Variants in OSBPL10 observed in about 807,000 individuals in gnomAD.
The protein encoded by OSBPL10 is oxysterol-binding protein-related protein 10.
A neutral mutation model predicts 81.7 loss-of-function variants in OSBPL10; 49 were observed. That is an observed-to-expected ratio of 0.60 (90% CI 0.48 to 0.76). The LOEUF (loss-of-function observed/expected upper bound fraction) is 0.76. OSBPL10 is among the 30% of genes least tolerant of loss of function. The pLI, the probability that OSBPL10 is intolerant of heterozygous loss-of-function variation, is 0.00. For missense variants in OSBPL10, 923 were observed against 987.8 expected (o/e 0.93, Z 0.88); for synonymous variants, 419 against 383.6 (o/e 1.09, Z -1.08).
chr3:31,772,210 C>T (rs997508276), intron 4 of OSBPL10, among the ~76,000 whole-genome samples: 1 of 152,164 alleles, frequency 6.6e-6, no homozygotes, highest in Non-Finnish European at 1.5e-5. Flanking sequence ...ACCAAAATGC[C>T]ATTAGCTTTA....
intron 2 of OSBPL10, among the ~76,000 whole-genome samples, chr3:32,018,404 G>A (rs1160144677): frequency 6.6e-6 from 1 of 152,102 alleles, no homozygotes; most frequent in East Asian, 1.9e-4. Flanking sequence ...ATGGTTGAAT[G>A]GAGATAATTC....
intron 1 of OSBPL10, among the ~76,000 whole-genome samples, chr3:31,918,573 A>C (rs1284215024): frequency 6.6e-6 from 1 of 152,170 alleles, no homozygotes; most frequent in Non-Finnish European, 1.5e-5. Context: ...CACTGGGACC[A>C]CTGCTGACCA....
At chr3:31,980,820 GACACACATACACACACGCACGCACACAC>G (rs1308145227) in intron 1 of OSBPL10, 51 bp downstream of exon 1, 2 of 1,420,976 alleles carry the variant, frequency 1.4e-6, no homozygotes, top group Admixed American at 5.8e-5. Flanking sequence ...CACATACACA[GACACACATACACACACGCACGCACACAC>G]ACACACACAC....
intron 1 of OSBPL10, among the ~76,000 whole-genome samples, chr3:31,933,057 A>G (rs1287126709): frequency 6.6e-6 from 1 of 152,212 alleles, no homozygotes; most frequent in Admixed American, 6.5e-5. Flanking sequence ...TAGAATAAGG[A>G]TTCAATTCCA....
At chr3:31,774,162 CAA>C (rs550791243) in intron 4 of OSBPL10, among the ~76,000 whole-genome samples, 34 of 81,398 alleles carry the variant, frequency 4.2e-4, no homozygotes, top group Admixed American at 5.7e-4. Flanking sequence ...AACTCCATCT[CAA>C]AAAAAAAAAA....
chr3:31,684,254 C>A (rs12488137), intron 7 of OSBPL10, 140 bp from the exon 8 acceptor site: 247,586 of 1,111,486 alleles, frequency 0.22, 29,198 homozygotes, highest in African/African-American at 0.36. Flanking sequence ...CTTGTGCACA[C>A]ATGACAAACC....
At chr3:32,048,260 C>T (rs1699640694) in intron 1 of OSBPL10, among the ~76,000 whole-genome samples, 2 of 151,664 alleles carry the variant, frequency 1.3e-5, no homozygotes. Flanking sequence ...ACCCCTGTTC[C>T]TAAAATCCAT....
chr3:31,777,662 T>C (rs893817713), intron 4 of OSBPL10, among the ~76,000 whole-genome samples: 17 of 152,328 alleles, frequency 1.1e-4, no homozygotes, highest in Non-Finnish European at 2.4e-4. Context: ...TGCAGGCCAC[T>C]GCAAATTCCA....
chr3:31,777,005 C>A (rs987317055), intron 4 of OSBPL10, among the ~76,000 whole-genome samples: 1 of 152,142 alleles, frequency 6.6e-6, no homozygotes, highest in Non-Finnish European at 1.5e-5. Flanking sequence ...TCAAGAAATT[C>A]TTTACCCATC....
At chr3:31,952,822 G>A (rs2125447685) in intron 1 of OSBPL10, among the ~76,000 whole-genome samples, 1 of 152,148 alleles carries the variant, frequency 6.6e-6, no homozygotes, top group Non-Finnish European at 1.5e-5. Context: ...ATTCTCTCAG[G>A]TACTAATCAG....
chr3:31,700,201 T>C (rs1286902760), intron 7 of OSBPL10: 1 of 152,146 alleles, frequency 6.6e-6, no homozygotes, highest in African/African-American at 2.4e-5. Context: ...CTCAACTGAG[T>C]ATTGGGAGAA....
chr3:31,720,544 T>C (rs993255814), intron 6 of OSBPL10, among the ~76,000 whole-genome samples: 58 of 152,206 alleles, frequency 3.8e-4, no homozygotes, highest in African/African-American at 1.3e-3. Context: ...TTTATCTCCA[T>C]GCTCTATGTA....
chr3:31,829,893 G>T, intron 4 of OSBPL10, 147 bp downstream of exon 4: 2 of 743,476 alleles, frequency 2.7e-6, no homozygotes, highest in Non-Finnish European at 4.1e-6. Flanking sequence ...AACCAGGAAG[G>T]ACCGTCACAG....
chr3:31,686,048 T>C (rs1700784471), intron 7 of OSBPL10, among the ~76,000 whole-genome samples: 1 of 152,140 alleles, frequency 6.6e-6, no homozygotes, highest in African/African-American at 2.4e-5. Flanking sequence ...AGCATGCTGT[T>C]CTAGAAGCGA....
intron 8 of OSBPL10, among the ~76,000 whole-genome samples, chr3:31,683,232 G>A (rs1037710539): frequency 5.9e-5 from 9 of 152,208 alleles, no homozygotes; most frequent in African/African-American, 2.2e-4. Flanking sequence ...TGAATAGGCA[G>A]CATGATTATC....
intron 1 of OSBPL10, chr3:31,919,647 A>C (rs571462359): frequency 7.2e-5 from 11 of 152,350 alleles, no homozygotes; most frequent in Non-Finnish European, 1.5e-4. Context: ...TCTTTCACCC[A>C]ATCATATCAC....
At chr3:31,933,485 G>A (rs903645639) in intron 1 of OSBPL10, among the ~76,000 whole-genome samples, 2 of 151,732 alleles carry the variant, frequency 1.3e-5, no homozygotes, top group Non-Finnish European at 2.9e-5. Flanking sequence ...GCTCACTGCA[G>A]CCTCGATCTC....
chr3:32,034,442 G>A (rs1220434021), intron 2 of OSBPL10, among the ~76,000 whole-genome samples: 10 of 130,462 alleles, frequency 7.7e-5, no homozygotes, highest in South Asian at 2.5e-4. Context: ...CCCTGTAGCG[G>A]AAAAAAAAAA....
At chr3:32,015,852 G>T (rs865882110) in intron 2 of OSBPL10, among the ~76,000 whole-genome samples, 2 of 152,084 alleles carry the variant, frequency 1.3e-5, no homozygotes, top group Non-Finnish European at 2.9e-5. Flanking sequence ...AAAAATACTC[G>T]TCATCACTGG....
Sources: gnomAD v4.1 joint callset for allele counts (sites outside exome capture counted in the v4.1 genomes callset) on GRCh38, gnomAD v4.1.1 for gene constraint, MANE v1.5 for transcripts, NCBI Gene and HGNC (gene_info 2026-07-23, HGNC 2026-07-21) for gene names.